Variants in SLIT3 observed in about 807,000 individuals in gnomAD.
SLIT3 encodes the protein slit homolog 3 protein.
Under a neutral mutation model 184.0 loss-of-function variants are expected in SLIT3, and 68 were observed. The ratio of observed to expected loss-of-function variants is 0.37; its 90% CI spans 0.30 to 0.45. The LOEUF is 0.45. Among genes scored for constraint, SLIT3 ranks in the 20% least tolerant of loss-of-function variants. SLIT3 has a pLI of 1.00. For missense variants in SLIT3, 1,707 were observed against 2,026.0 expected (o/e 0.84, Z 3.02); for synonymous variants, 831 against 828.6 (o/e 1.00, Z -0.05).
chr5:169,281,521 A>T (rs11134569), intron 1 of SLIT3, among the ~76,000 whole-genome samples: 119,475 of 152,122 alleles, frequency 0.79, 47,138 homozygotes, highest in African/African-American at 0.86. Flanking sequence ...CAGTTCCTCT[A>T]GGCTATTGTA....
rs1763289419 is a variant in SLIT3 at position 169,185,060 on chromosome 5, C to G, written c.413+8419G>C. Among the ~76,000 whole-genome samples, 2 of 152,198 alleles carry G rather than the reference C, an allele frequency of 1.3e-5. 1 individual carries two copies. The highest frequency in any genetic ancestry group is 4.1e-4 in the South Asian group (2 of 4,828). The stretch of plus-strand genomic sequence containing the variant: ...AGGAGAGAGACGACACCTCCCAGGC[C>G]TTCATCCCTGGCTCTGGCTTCAGGT... On this transcript the variant is annotated intron_variant, in intron 4 of 35. Transcript: ENST00000519560.
chr5:169,277,764 G>A (rs960236542), intron 1 of SLIT3, among the ~76,000 whole-genome samples: 2 of 152,102 alleles, frequency 1.3e-5, no homozygotes, highest in African/African-American at 4.8e-5. Context: ...ATTCTTTTGG[G>A]TATATAATTA....
At chr5:168,712,464 C>T in intron 23 of SLIT3, 110 bp from the exon 24 acceptor site, 1 of 890,876 alleles carries the variant, frequency 1.1e-6, no homozygotes, top group East Asian at 2.4e-5. Context: ...GCTCAGAGCC[C>T]CACTGCTCCT....
At chr5:169,220,110 C>G (rs548656401) in intron 3 of SLIT3, among the ~76,000 whole-genome samples, 52 of 152,260 alleles carry the variant, frequency 3.4e-4, no homozygotes, top group Admixed American at 2.2e-3. Context: ...CAGCACCACT[C>G]TCATTCTTGC....
At position 169,300,534 on chromosome 5, in the gene SLIT3, A is replaced by G. The variant is rs777100413; in HGVS notation, c.176T>C (p.Ile59Thr). ...TCACAGGCGCTCAGCGTTGCGGGGG[A>G]TGCCCCGAGGAACCGCGCGGAGGCC... ...GLGLRAVPRG[I>T]PRNAERLDLD... The change falls in exon 1 of 36, where the codon ATC becomes ACC. Residue 59 changes from isoleucine (I) to threonine (T), a missense_variant. By Grantham distance (89) the Ile-to-Thr change is moderately conservative. Transcript: ENST00000519560. The surrounding 1 kb of genome is among the most constrained non-coding windows in gnomAD (Gnocchi z 4.1). The G allele has an allele frequency of 3.3e-6, 5 of 1,507,934 alleles. No homozygotes were observed. Among genetic ancestry groups the G allele is most frequent in the South Asian group, 2.5e-5 (2 of 80,950 alleles). The allele number at this position is 1,507,934 out of a possible 1,614,324, so 93.4% of individuals were successfully genotyped here. A position where few individuals can be genotyped will look rare whatever the true frequency, so the allele number is the denominator to read the frequency against.
At chr5:169,152,504 A>G (rs1289242764) in intron 4 of SLIT3, among the ~76,000 whole-genome samples, 1 of 152,132 alleles carries the variant, frequency 6.6e-6, no homozygotes, top group Non-Finnish European at 1.5e-5. Context: ...TCGGGGGCAA[A>G]GTGTCTGGGC....
chr5:168,690,471 C>T (rs181749072), intron 29 of SLIT3, among the ~76,000 whole-genome samples: 5 of 152,314 alleles, frequency 3.3e-5, no homozygotes, highest in African/African-American at 9.6e-5. Flanking sequence ...TGCCCCTTCC[C>T]GGGCATGCCC....
chr5:169,299,958 CG>C (rs1249675575), intron 1 of SLIT3, among the ~76,000 whole-genome samples: 1 of 152,180 alleles, frequency 6.6e-6, no homozygotes, highest in Non-Finnish European at 1.5e-5. Flanking sequence ...GCGGGTTTTG[CG>C]AGCACCCACT....
chr5:168,936,450 G>T lies in SLIT3; in HGVS notation c.414-53114C>A, dbSNP rs183895905. Among the ~76,000 whole-genome samples, 38 of 152,264 alleles carry T rather than the reference G, an allele frequency of 2.5e-4. No homozygotes were observed. The East Asian group carries it at 7.2e-3, about 29-fold the overall frequency. ...GGGTTTCACCATGTTGGTCAGTCTT[G>T]TCTCGAACTCCTGACCTCGTGATCC... is the stretch of plus-strand genomic sequence containing the variant. On this transcript the variant is annotated intron_variant, in intron 4 of 35. Coordinates refer to ENST00000519560, the MANE Select transcript of SLIT3 (RefSeq NM_003062.4).
Position 168,974,882 on chromosome 5 carries a change from A to G in SLIT3, c.414-91546T>C, listed in dbSNP as rs1485185238. 4.6e-5 allele frequency among the ~76,000 whole-genome samples: 7 copies of G among 152,300 alleles called. No homozygotes were observed. In the East Asian group the frequency reaches 9.7e-4, roughly 21 times the overall value. The stretch of plus-strand genomic sequence containing the variant: ...AGGAGGTGGCCCTGGCCTTCCACAT[A>G]TTAGCACACCCCGGAGAATGGGGAA... On this transcript the variant is annotated intron_variant, in intron 4 of 35. Transcript: ENST00000519560.
At chr5:168,845,007 A>T (rs539653743) in intron 5 of SLIT3, among the ~76,000 whole-genome samples, 9 of 150,476 alleles carry the variant, frequency 6.0e-5, no homozygotes, top group Non-Finnish European at 1.3e-4. Flanking sequence ...TCATTAAGCT[A>T]AAGGCCTGTA....
At chr5:168,884,549 G>GAGATATATATATATATAT (rs1260481453) in intron 4 of SLIT3, among the ~76,000 whole-genome samples, 2 of 41,136 alleles carry the variant, frequency 4.9e-5, no homozygotes, top group African/African-American at 2.2e-4. Flanking sequence ...CCAATTACGA[G>GAGATATATATATATATAT]ATATATATAT....
chr5:169,003,202 G>A (rs192449778), intron 4 of SLIT3, among the ~76,000 whole-genome samples: 297 of 152,266 alleles, frequency 2.0e-3, no homozygotes, highest in Non-Finnish European at 3.5e-3. Context: ...GTCTGAGCAC[G>A]CACAAACAAA....
chr5:168,674,862 C>T (rs370923402), intron 32 of SLIT3, among the ~76,000 whole-genome samples: 8 of 152,128 alleles, frequency 5.3e-5, no homozygotes, highest in African/African-American at 1.9e-4. Context: ...AGCCACTCAC[C>T]GAGGGCCCAG....
chr5:168,988,378 G>C (rs919366829), intron 4 of SLIT3, among the ~76,000 whole-genome samples: 1 of 152,138 alleles, frequency 6.6e-6, no homozygotes, highest in Non-Finnish European at 1.5e-5. Context: ...ATTTGGAAGG[G>C]AACACAGACA....
chr5:169,022,512 C>T (rs1302417994), intron 4 of SLIT3, among the ~76,000 whole-genome samples: 2 of 152,166 alleles, frequency 1.3e-5, no homozygotes, highest in African/African-American at 4.8e-5. Flanking sequence ...TAAAAGTCAC[C>T]TTTCTTGGAT....
chr5:168,771,769 A>T (rs1258677729), intron 14 of SLIT3, among the ~76,000 whole-genome samples: 2 of 152,244 alleles, frequency 1.3e-5, no homozygotes, highest in Non-Finnish European at 2.9e-5. Flanking sequence ...TTTGACTTAA[A>T]GGACAAGAAG....
intron 20 of SLIT3, among the ~76,000 whole-genome samples, chr5:168,732,193 C>T (rs1262073108): frequency 1.3e-5 from 2 of 151,932 alleles, no homozygotes; most frequent in Non-Finnish European, 2.9e-5. Context: ...ATCCCACTTA[C>T]AATAGCTAAG....
chr5:169,193,513 A>G lies in SLIT3; in HGVS notation c.379T>C (p.Leu127=), dbSNP rs556336194. Residue 127 remains leucine, a synonymous_variant, in exon 4 of 36, where the codon TTG becomes CTG. Coordinates refer to ENST00000519560, the MANE Select transcript of SLIT3 (RefSeq NM_003062.4). ...AGCTTCGGCGTGCTCTGGAAAAGCA[A>G]TTCTGGAAGGACTTGCAGCTTATTC... ...NKNKLQVLPE[L]LFQSTPKLTR... The G allele has an allele frequency of 1.2e-6, 2 of 1,614,112 alleles. No individual in the cohort carries two copies. The highest frequency in any genetic ancestry group is 2.2e-5 in the East Asian group (1 of 44,882).
Sources: gnomAD v4.1 joint callset for allele counts (sites outside exome capture counted in the v4.1 genomes callset) on GRCh38, gnomAD v4.1.1 for gene constraint, Gnocchi (gnomAD v3.1) non-coding constraint, MANE v1.5 for transcripts, NCBI Gene and HGNC (gene_info 2026-07-23, HGNC 2026-07-21) for gene names.